PGAP1: variants seen among roughly 807,000 people sequenced by gnomAD.
PGAP1 encodes post-GPI attachment to proteins inositol deacylase 1.
Under a neutral mutation model 127.0 loss-of-function variants are expected in PGAP1, and 76 were observed. The observed-to-expected ratio is 0.60, with a 90% CI of 0.50 to 0.72. The LOEUF (loss-of-function observed/expected upper bound fraction) is 0.72. Ranked by LOEUF, PGAP1 falls within the 30% of genes least tolerant of loss-of-function variation. The pLI, the probability that PGAP1 is intolerant of heterozygous loss-of-function variation, is 0.00. For synonymous variants in PGAP1, 362 were observed against 366.5 expected (o/e 0.99, Z 0.14); for missense variants, 982 against 1,071.3 (o/e 0.92, Z 1.16).
chr2:196,917,346 A>C (rs1310461467), intron 2 of PGAP1, among the ~76,000 whole-genome samples: 2 of 152,254 alleles, frequency 1.3e-5, no homozygotes, highest in Non-Finnish European at 2.9e-5. Flanking sequence ...TATAATCCAC[A>C]TATTATACAA....
At chr2:196,926,039 G>T (rs969574686) in intron 1 of PGAP1, among the ~76,000 whole-genome samples, 1 of 152,124 alleles carries the variant, frequency 6.6e-6, no homozygotes, top group Non-Finnish European at 1.5e-5. Context: ...CGCGTGGGAA[G>T]CAAAGGAAGG....
rs1700378010 is a variant in PGAP1, at chr2:196,840,532, G to T, written c.*702C>A. 1 of 151,828 alleles carries T rather than the reference G, an allele frequency of 6.6e-6. No homozygotes were observed. The highest frequency in any genetic ancestry group is 1.5e-5 in the Non-Finnish European group (1 of 67,958). 9.4% of individuals were successfully genotyped at this position (151,828 alleles called of 1,614,324 possible). On this transcript the variant is annotated 3_prime_UTR_variant, in exon 27 of 27. Coordinates refer to ENST00000354764, the MANE Select transcript of PGAP1 (RefSeq NM_024989.4). The stretch of plus-strand genomic sequence containing the variant: ...CAGACCTCTTTAATAGTCTCCTGAT[G>T]TTCACCGAGAATATATAGTAAGATT...
chr2:196,873,745 C>A lies in PGAP1; in HGVS notation c.1440G>T (p.Arg480Ser). ...GGCCATTTGTATTTAACACCACTTT[C>A]CTTGAAGACAATCCTGTTGAATTCA... Reference protein sequence around the residue: ...THLFSFGLSSRKVVLNTNGLY... With the variant: ...THLFSFGLSSSKVVLNTNGLY... Residue 480 changes from arginine (R) to serine (S), a missense_variant, in exon 15 of 27, where the codon AGG becomes AGT. Coordinates refer to ENST00000354764, the MANE Select transcript of PGAP1 (RefSeq NM_024989.4). The A allele has an allele frequency of 6.2e-7, 1 of 1,610,146 alleles. No individual in the cohort carries two copies. Among genetic ancestry groups the A allele is most frequent in the Non-Finnish European group, 8.5e-7 (1 of 1,176,780 alleles).
At chr2:196,885,079 A>T (rs565086504) in intron 12 of PGAP1, among the ~76,000 whole-genome samples, 1 of 152,304 alleles carries the variant, frequency 6.6e-6, no homozygotes, top group South Asian at 2.1e-4. Flanking sequence ...AGTTCTAAGT[A>T]TACTAACTCA....
rs1238094911 is a variant in PGAP1, at chr2:196,926,686, CGG to C, written c.-72_-71del. The C allele has an allele frequency of 2.5e-6, 4 of 1,604,308 alleles. No individual in the cohort carries two copies. The African/African-American group carries it at 5.4e-5, about 21-fold the overall frequency. On this transcript the variant is annotated 5_prime_UTR_variant, in exon 1 of 27. Transcript: ENST00000354764. Reference sequence around the variant, plus strand: ...CTTCTCCGCCGCGGGGCCCCAAGCCCGGACTGAGCGTGCTAGACACTGTCCGA... The same window carrying C: ...CTTCTCCGCCGCGGGGCCCCAAGCCCACTGAGCGTGCTAGACACTGTCCGA...
At chr2:196,843,841 T>C (rs1700482353) in intron 25 of PGAP1, 47 bp downstream of exon 25, 2 of 1,239,040 alleles carry the variant, frequency 1.6e-6, no homozygotes, top group Non-Finnish European at 1.1e-6. Context: ...CTTAGGGATA[T>C]TTATTGTTTG....
At chr2:196,846,844 C>T (rs1263113938) in intron 22 of PGAP1, among the ~76,000 whole-genome samples, 159 bp downstream of exon 22, 2 of 152,142 alleles carry the variant, frequency 1.3e-5, no homozygotes, top group Non-Finnish European at 2.9e-5. Flanking sequence ...AAATGATTAG[C>T]TTTCACAGAC....
chr2:196,862,217 A>C (rs1701090248), intron 20 of PGAP1, among the ~76,000 whole-genome samples: 1 of 151,968 alleles, frequency 6.6e-6, no homozygotes, highest in African/African-American at 2.4e-5. Flanking sequence ...AGGTCTATAG[A>C]CGGGCTCCCT....
intron 10 of PGAP1, among the ~76,000 whole-genome samples, chr2:196,886,269 T>G (rs915156604): frequency 1.4e-4 from 21 of 150,524 alleles, no homozygotes; most frequent in Non-Finnish European, 7.4e-5. Context: ...CAAGTTATTC[T>G]CCTGCCTCAG....
In PGAP1 at chr2:196,902,715, C is replaced by A; in HGVS notation, c.677G>T (p.Trp226Leu). The A allele has an allele frequency of 6.2e-7, 1 of 1,610,216 alleles. No individual in the cohort carries two copies. The highest frequency in any genetic ancestry group is 8.5e-7 in the Non-Finnish European group (1 of 1,177,772). ...ATTTATGTGTCGAGCATTTAGAATC[C>A]AATAGTTGTTTACAGTCGTATAAAA... is the stretch of plus-strand genomic sequence containing the variant. ...TDFYTTVNNY[W>L]ILNARHINLT... The change falls in exon 5 of 27, where the codon TGG becomes TTG. Residue 226 changes from tryptophan (W) to leucine (L), a missense_variant. By Grantham distance (61) the Trp-to-Leu change is moderately conservative. Coordinates refer to ENST00000354764, the MANE Select transcript of PGAP1 (RefSeq NM_024989.4).
chr2:196,862,609 A>G (rs1318601324), intron 20 of PGAP1, among the ~76,000 whole-genome samples: 1 of 152,196 alleles, frequency 6.6e-6, no homozygotes, highest in Non-Finnish European at 1.5e-5. Context: ...GAACCTACCA[A>G]CATGTGATGT....
intron 20 of PGAP1, among the ~76,000 whole-genome samples, chr2:196,849,261 ATTTTTTTT>A (rs747641877): frequency 1.5e-5 from 2 of 135,986 alleles, no homozygotes; most frequent in African/African-American, 2.7e-5. Context: ...TGTCAGAATA[ATTTTTTTT>A]TTTTTTTTTT....
chr2:196,875,918 C>T (rs1701555410), intron 13 of PGAP1, 97 bp from the exon 14 acceptor site: 1 of 649,198 alleles, frequency 1.5e-6, no homozygotes, highest in Admixed American at 3.0e-5. Flanking sequence ...AGTCTATAAA[C>T]CTCAGCTTTG....
chr2:196,892,152 G>A lies in PGAP1; in HGVS notation c.1089+194C>T, dbSNP rs553743311. ...GGATCCTGATGTAAACAAACTGAAC[G>A]TCAAAGAAAACAGCAAAAAAGATAA... On this transcript the variant is annotated intron_variant, in intron 9 of 26. Coordinates refer to ENST00000354764, the MANE Select transcript of PGAP1 (RefSeq NM_024989.4). Among the ~76,000 whole-genome samples the A allele has an allele frequency of 3.9e-5, 6 of 151,920 alleles. No homozygotes were observed. The South Asian group carries it at 6.2e-4, about 16-fold the overall frequency.
intron 11 of PGAP1, 104 bp downstream of exon 11, chr2:196,885,730 T>C: frequency 1.4e-6 from 1 of 729,316 alleles, no homozygotes. Context: ...TATAATTTCA[T>C]ATAGCATCAA....
At chr2:196,867,833 A>G (rs929122554) in intron 19 of PGAP1, among the ~76,000 whole-genome samples, 1 of 152,172 alleles carries the variant, frequency 6.6e-6, no homozygotes, top group African/African-American at 2.4e-5. Flanking sequence ...ATGAATTCCC[A>G]GGTAAAAAGA....
At chr2:196,925,359 T>TAA (rs571627428) in intron 1 of PGAP1, among the ~76,000 whole-genome samples, 1 of 147,920 alleles carries the variant, frequency 6.8e-6, no homozygotes, top group Non-Finnish European at 1.5e-5. Context: ...TCCTTCACCC[T>TAA]AAAAAAAAAA....
chr2:196,855,778 C>A (rs1435523375), intron 20 of PGAP1, among the ~76,000 whole-genome samples: 2 of 151,654 alleles, frequency 1.3e-5, no homozygotes, highest in Non-Finnish European at 2.9e-5. Flanking sequence ...TTTTATAAGT[C>A]CAATAAAAAT....
chr2:196,846,637 A>G (rs1300702858), intron 22 of PGAP1, among the ~76,000 whole-genome samples: 1 of 152,168 alleles, frequency 6.6e-6, no homozygotes, highest in Non-Finnish European at 1.5e-5. Flanking sequence ...TCTGATCCTA[A>G]TATCTGGTTT....
Sources: gnomAD v4.1 joint callset for allele counts (sites outside exome capture counted in the v4.1 genomes callset) on GRCh38, gnomAD v4.1.1 for gene constraint, MANE v1.5 for transcripts, NCBI Gene and HGNC (gene_info 2026-07-23, HGNC 2026-07-21) for gene names.